CBLN2: variants seen among roughly 807,000 people sequenced by gnomAD.
CBLN2 encodes the protein cerebellin 2 precursor, also known as cerebellin-2.
CBLN2 carries 7 observed loss-of-function variants against 15.0 expected under a neutral mutation model. The ratio of observed to expected loss-of-function variants is 0.47; its 90% confidence interval spans 0.27 to 0.88. The LOEUF (loss-of-function observed/expected upper bound fraction) is 0.88. CBLN2 is among the 40% of genes least tolerant of loss of function. The pLI is 0.14. For missense variants in CBLN2, 242 were observed against 304.5 expected, an observed-to-expected ratio of 0.79 and a Z score of 1.53; for synonymous variants, 149 against 135.2, an observed-to-expected ratio of 1.10 and a Z score of -0.71.
Position 72,541,742 on chromosome 18 carries a change from C to T in CBLN2, c.357+62G>A, listed in dbSNP as rs930033660. On this transcript the variant is annotated intron_variant, in intron 3 of 4. Transcript: ENST00000269503. ...TCCAAGAAGCCTGAACCCCAGCCCGCGCGCGCAGGTCCCCGCCCCTCTCCC... is the reference window on the plus strand; with the variant it reads ...TCCAAGAAGCCTGAACCCCAGCCCGTGCGCGCAGGTCCCCGCCCCTCTCCC... 5.6e-5 allele frequency: 77 copies of T among 1,377,496 alleles called. No homozygotes were observed. In the African/African-American group the frequency reaches 1.0e-3, roughly 18 times the overall value. 85.3% of individuals were successfully genotyped at this position (1,377,496 alleles called of 1,614,324 possible). A position where few individuals can be genotyped will look rare whatever the true frequency, so the allele number is the denominator to read the frequency against.
At chr18:72,599,343 G>T (rs186505971) in intron 1 of CBLN2, among the ~76,000 whole-genome samples, 1 of 152,246 alleles carries the variant, frequency 6.6e-6, no homozygotes, top group East Asian at 1.9e-4. Flanking sequence ...CTTTTCAACA[G>T]AATAATTCGT....
chr18:72,541,742 C>G, intron 3 of CBLN2, 62 bp downstream of exon 3: 1 of 1,377,616 alleles, frequency 7.3e-7, no homozygotes, highest in Non-Finnish European at 9.7e-7. Flanking sequence ...CCCCAGCCCG[C>G]GCGCGCAGGT....
At chr18:72,567,886 T>C (rs2069306222) in intron 1 of CBLN2, among the ~76,000 whole-genome samples, 1 of 152,230 alleles carries the variant, frequency 6.6e-6, no homozygotes, top group Non-Finnish European at 1.5e-5. Flanking sequence ...TTTATATTTA[T>C]CTATTGCACA....
intron 1 of CBLN2, chr18:72,619,243 C>A: frequency 1.1e-6 from 1 of 927,218 alleles, no homozygotes; most frequent in Non-Finnish European, 1.7e-6. Flanking sequence ...GGAAACAAAG[C>A]TTAGCAGGAG....
chr18:72,592,162 G>T lies in CBLN2; in HGVS notation c.15+46163C>A, dbSNP rs147370843. 1.0e-3 allele frequency among the ~76,000 whole-genome samples: 158 copies of T among 152,180 alleles called. No homozygotes were observed. In the East Asian group the frequency reaches 0.027, roughly 26 times the overall value. ...TTTCTTTACATTCTCATCAGCATTTGTTATTGCCTGCCTTTTGGACATAAG... is the reference window on the plus strand; with the variant it reads ...TTTCTTTACATTCTCATCAGCATTTTTTATTGCCTGCCTTTTGGACATAAG... On this transcript the variant is annotated intron_variant, in intron 1 of 2. Transcript: ENST00000581073.
At chr18:72,612,619 A>G (rs1434894620) in intron 1 of CBLN2, among the ~76,000 whole-genome samples, 4 of 151,992 alleles carry the variant, frequency 2.6e-5, no homozygotes, top group Non-Finnish European at 5.9e-5. Flanking sequence ...AATACACACA[A>G]TCTTACTGCA....
intron 1 of CBLN2, among the ~76,000 whole-genome samples, chr18:72,629,671 T>C (rs1456441115): frequency 2.0e-5 from 3 of 152,108 alleles, no homozygotes; most frequent in Admixed American, 1.3e-4. Context: ...CATCTTGTTA[T>C]TTGCAAATAT....
rs58393276 is a variant in CBLN2, at chr18:72,579,043, A to G, written c.16-40271T>C. ...GTCTAAGCTTGGTCAATTACAAATG[A>G]TGCTCAATATCTAATGCACTGTGGT... On this transcript the variant is annotated intron_variant, in intron 1 of 2. Transcript: ENST00000581073. Among the ~76,000 whole-genome samples, 237 of 152,294 alleles carry G rather than the reference A, an allele frequency of 1.6e-3. 1 individual carries two copies. The highest frequency in any genetic ancestry group is 5.6e-3 in the African/African-American group (231 of 41,556).
Position 72,567,873 on chromosome 18 carries a change from G to A in CBLN2, c.16-29101C>T, listed in dbSNP as rs147294605. Among the ~76,000 whole-genome samples the A allele has an allele frequency of 9.9e-3, 1,501 of 152,246 alleles. 17 individuals are homozygous for A. The highest frequency in any genetic ancestry group is 0.013 in the Non-Finnish European group (907 of 68,012). On this transcript the variant is annotated intron_variant, in intron 1 of 2. Transcript: ENST00000581073. ...TAGAAAGCAGTTGCAAGTATACATT[G>A]CATTTATATTTATCTATTGCACAAG...
chr18:72,560,472 T>TC (rs1172953445), intron 1 of CBLN2, among the ~76,000 whole-genome samples: 1 of 17,058 alleles, frequency 5.9e-5, no homozygotes, highest in Non-Finnish European at 1.7e-3. Flanking sequence ...ATTAACTTGC[T>TC]TTTGGATCAA....
At chr18:72,622,864 T>C (rs1438516060) in intron 1 of CBLN2, among the ~76,000 whole-genome samples, 1 of 152,188 alleles carries the variant, frequency 6.6e-6, no homozygotes, top group Non-Finnish European at 1.5e-5. Context: ...TATGTTCTAC[T>C]TCTCTGTAAA....
chr18:72,568,622 T>C (rs1035691292), intron 1 of CBLN2, among the ~76,000 whole-genome samples: 3 of 152,094 alleles, frequency 2.0e-5, no homozygotes, highest in East Asian at 1.9e-4. Flanking sequence ...ACAAATGTAA[T>C]AAACATTTCT....
chr18:72,592,861 T>C (rs890004343), intron 1 of CBLN2, among the ~76,000 whole-genome samples: 1 of 152,160 alleles, frequency 6.6e-6, no homozygotes, highest in African/African-American at 2.4e-5. Context: ...ACCTTTTTTA[T>C]ACCACTACCG....
intron 1 of CBLN2, among the ~76,000 whole-genome samples, chr18:72,608,383 C>T (rs1201189157): frequency 6.6e-6 from 1 of 152,154 alleles, no homozygotes; most frequent in Non-Finnish European, 1.5e-5. Context: ...CACAGTGTCT[C>T]ACATCGTTGG....
intron 1 of CBLN2, among the ~76,000 whole-genome samples, chr18:72,627,695 A>G (rs1160440901): frequency 6.6e-6 from 1 of 152,204 alleles, no homozygotes; most frequent in Admixed American, 6.5e-5. Context: ...CGATCCTAAA[A>G]CCTTTTGAAT....
At chr18:72,597,365 T>C (rs1452017473) in intron 1 of CBLN2, among the ~76,000 whole-genome samples, 1 of 152,224 alleles carries the variant, frequency 6.6e-6, no homozygotes, top group African/African-American at 2.4e-5. Flanking sequence ...TTACTCTTGT[T>C]CTCTTCCCTC....
chr18:72,610,801 C>T (rs2069616690), intron 1 of CBLN2, among the ~76,000 whole-genome samples: 1 of 152,124 alleles, frequency 6.6e-6, no homozygotes, highest in African/African-American at 2.4e-5. Flanking sequence ...GGTTTGTTAA[C>T]TGGGTATATT....
chr18:72,594,350 A>G (rs2069499521), intron 1 of CBLN2, among the ~76,000 whole-genome samples: 1 of 152,146 alleles, frequency 6.6e-6, no homozygotes. Context: ...GTCAAGATGA[A>G]TGATCTTTTT....
chr18:72,624,432 G>A (rs1162619213), intron 1 of CBLN2, among the ~76,000 whole-genome samples: 53 of 152,146 alleles, frequency 3.5e-4, no homozygotes, highest in Non-Finnish European at 8.8e-5. Flanking sequence ...TTGAGGTAGG[G>A]AGTTCAAGAC....
Sources: allele counts gnomAD v4.1 joint callset (sites outside exome capture counted in the v4.1 genomes callset), GRCh38; gene constraint gnomAD v4.1.1; transcripts MANE v1.5; gene names NCBI Gene and HGNC (gene_info 2026-07-23, HGNC 2026-07-21).